The following DLG2 variants were observed in gnomAD, a reference collection of about 807,000 sequenced individuals.
DLG2 encodes disks large homolog 2.
In DLG2, 45 loss-of-function variants were observed where a neutral mutation model predicts 132.5. The observed-to-expected ratio is 0.34, with a 90% CI of 0.27 to 0.44. The LOEUF is 0.44. DLG2 is among the 20% of genes least tolerant of loss of function. The pLI, the probability that DLG2 is intolerant of heterozygous loss-of-function variation, is 1.00. For missense variants in DLG2, 1,045 were observed against 1,196.9 expected, an observed-to-expected ratio of 0.87 and a Z score of 1.87; for synonymous variants, 424 against 419.6, an observed-to-expected ratio of 1.01 and a Z score of -0.13.
chr11:85,462,710 G>A (rs1466283631), intron 3 of DLG2, among the ~76,000 whole-genome samples: 2 of 151,964 alleles, frequency 1.3e-5, no homozygotes, highest in Non-Finnish European at 2.9e-5. Flanking sequence ...TAAATGACGA[G>A]TTGATGGGTG....
chr11:83,788,341 G>T (rs1408516903), intron 17 of DLG2, among the ~76,000 whole-genome samples: 3 of 152,020 alleles, frequency 2.0e-5, no homozygotes, highest in African/African-American at 7.3e-5. Context: ...TTCTAGTGTG[G>T]TGAACTCCTT....
intron 3 of DLG2, among the ~76,000 whole-genome samples, chr11:85,323,686 A>C (rs2081240840): frequency 6.6e-6 from 1 of 152,230 alleles, no homozygotes; most frequent in Non-Finnish European, 1.5e-5. Context: ...TCTAATAAGC[A>C]TCATACTACT....
At chr11:84,547,944 A>G (rs149074764) in intron 6 of DLG2, among the ~76,000 whole-genome samples, 1 of 152,340 alleles carries the variant, frequency 6.6e-6, no homozygotes, top group African/African-American at 2.4e-5. Context: ...GCCTGTCACT[A>G]TTCTACAGTA....
intron 15 of DLG2, among the ~76,000 whole-genome samples, chr11:83,904,283 T>C (rs1425173695): frequency 1.3e-5 from 2 of 152,190 alleles, no homozygotes; most frequent in African/African-American, 4.8e-5. Flanking sequence ...ATTTTCCATT[T>C]AATATTTTTA....
intron 6 of DLG2, among the ~76,000 whole-genome samples, chr11:84,764,024 G>A (rs770284576): frequency 9.2e-5 from 14 of 152,060 alleles, no homozygotes; most frequent in Non-Finnish European, 2.9e-5. Flanking sequence ...AATTAGTACA[G>A]AGTCTACCTA....
intron 3 of DLG2, among the ~76,000 whole-genome samples, chr11:85,333,171 T>C (rs1043956176): frequency 1.3e-5 from 2 of 152,168 alleles, no homozygotes; most frequent in African/African-American, 4.8e-5. Flanking sequence ...CCTGATTAGC[T>C]ATATTCCTAT....
At chr11:85,291,632 T>C (rs2078899462) in intron 3 of DLG2, among the ~76,000 whole-genome samples, 1 of 150,674 alleles carries the variant, frequency 6.6e-6, no homozygotes, top group South Asian at 2.1e-4. Context: ...TCATCCACGT[T>C]GGAATGCAGC....
chr11:84,136,151 C>T (rs1016226129), intron 9 of DLG2, among the ~76,000 whole-genome samples: 3 of 152,198 alleles, frequency 2.0e-5, no homozygotes, highest in East Asian at 3.9e-4. Flanking sequence ...CTTTTTCATA[C>T]AAACCCTAAA....
chr11:84,778,441 T>C (rs1348275778), intron 6 of DLG2, among the ~76,000 whole-genome samples: 1 of 152,214 alleles, frequency 6.6e-6, no homozygotes. Context: ...TCTGGTTCAT[T>C]TTTGATTCCA....
At chr11:83,581,128 G>C in intron 19 of DLG2, among the ~76,000 whole-genome samples, 1 of 152,030 alleles carries the variant, frequency 6.6e-6, no homozygotes, top group South Asian at 2.1e-4. Context: ...TTCGAAGGCT[G>C]AGAGAGTCTT....
chr11:84,859,404 A>G (rs11234209), intron 6 of DLG2, among the ~76,000 whole-genome samples: 1 of 145,266 alleles, frequency 6.9e-6, no homozygotes, highest in African/African-American at 2.5e-5. Flanking sequence ...ATATGTATAT[A>G]TACATATATA....
At chr11:84,386,276 T>C (rs552796049) in intron 7 of DLG2, among the ~76,000 whole-genome samples, 7 of 152,222 alleles carry the variant, frequency 4.6e-5, no homozygotes, top group African/African-American at 1.4e-4. Flanking sequence ...TTAGTATCTA[T>C]TGATTTCTAT....
At chr11:85,109,326 G>GA (rs2072327616) in intron 6 of DLG2, among the ~76,000 whole-genome samples, 1 of 152,070 alleles carries the variant, frequency 6.6e-6, no homozygotes, top group South Asian at 2.1e-4. Flanking sequence ...TGGCAGAAAT[G>GA]AAAAAGAAAC....
intron 3 of DLG2, among the ~76,000 whole-genome samples, chr11:85,411,425 A>G (rs2089300874): frequency 6.6e-6 from 1 of 151,838 alleles, no homozygotes; most frequent in South Asian, 2.1e-4. Flanking sequence ...TAGTTGGGAT[A>G]TTGAATTCTC....
At chr11:83,925,677 C>T (rs1444340908) in intron 15 of DLG2, among the ~76,000 whole-genome samples, 2 of 152,008 alleles carry the variant, frequency 1.3e-5, no homozygotes, top group East Asian at 3.9e-4. Flanking sequence ...CCATCCAAAA[C>T]CTGCCAATAT....
intron 7 of DLG2, among the ~76,000 whole-genome samples, chr11:84,530,393 A>T (rs560436395): frequency 1.3e-5 from 2 of 152,332 alleles, no homozygotes; most frequent in African/African-American, 2.4e-5. Flanking sequence ...CAAACTATGC[A>T]TCCAATAAGG....
chr11:84,102,340 C>A (rs2092600781), intron 9 of DLG2, among the ~76,000 whole-genome samples: 1 of 151,852 alleles, frequency 6.6e-6, no homozygotes. Flanking sequence ...ATAGTATTGA[C>A]AATAAATACT....
intron 3 of DLG2, among the ~76,000 whole-genome samples, chr11:85,356,986 C>T (rs2083751046): frequency 6.6e-6 from 1 of 152,070 alleles, no homozygotes; most frequent in Non-Finnish European, 1.5e-5. Context: ...GTCAGTCAAA[C>T]CTAAGTTTCA....
chr11:85,298,406 T>C (rs1029343478), intron 3 of DLG2, among the ~76,000 whole-genome samples: 7 of 151,992 alleles, frequency 4.6e-5, no homozygotes, highest in Admixed American at 3.3e-4. Flanking sequence ...GTGCTCAGAG[T>C]GAACATCATA....
Sources: gnomAD v4.1 joint callset for allele counts (sites outside exome capture counted in the v4.1 genomes callset) on GRCh38, gnomAD v4.1.1 for gene constraint, MANE v1.5 for transcripts, NCBI Gene and HGNC (gene_info 2026-07-23, HGNC 2026-07-21) for gene names.